PLG: variants seen among roughly 807,000 people sequenced by gnomAD.
PLG encodes the protein plasminogen, also known as plasmin.
In PLG, 41 loss-of-function variants were observed where a neutral mutation model predicts 104.4. The observed-to-expected ratio is 0.39, with a 90% confidence interval of 0.31 to 0.51. PLG has a LOEUF of 0.51. Among genes scored for constraint, PLG ranks in the 20% least tolerant of loss-of-function variants. The pLI, the probability that PLG is intolerant of heterozygous loss-of-function variation, is 0.76. For synonymous variants in PLG, 337 were observed against 357.1 expected, an observed-to-expected ratio of 0.94 and a Z score of 0.63; for missense variants, 891 against 1,003.6, an observed-to-expected ratio of 0.89 and a Z score of 1.52.
In PLG at chr6:160,712,972, T is replaced by A; in HGVS notation, c.408-14T>A. ...TAGAATATAGTCTAAGTGCTTCTTT[T>A]CCATCCTCCCCAGATTCTCACCTGC... On this transcript the variant is annotated splice_polypyrimidine_tract_variant and intron_variant, in intron 4 of 18. Coordinates refer to ENST00000308192, the MANE Select transcript of PLG (RefSeq NM_000301.5). 6.2e-7 allele frequency: 1 copy of A among 1,607,100 alleles called. No homozygotes were observed. The highest frequency in any genetic ancestry group is 8.5e-7 in the Non-Finnish European group (1 of 1,175,478).
At chr6:160,704,843 G>C (rs1777488061) in intron 1 of PLG, among the ~76,000 whole-genome samples, 1 of 152,186 alleles carries the variant, frequency 6.6e-6, no homozygotes, top group African/African-American at 2.4e-5. Context: ...CTTGTGCTCT[G>C]TGTACCCTCA....
chr6:160,752,003 C>G lies in PLG; in HGVS notation c.2126-112C>G. On this transcript the variant is annotated intron_variant, in intron 17 of 18. Transcript: ENST00000308192. The surrounding 1 kb of genome is among the most constrained non-coding windows in gnomAD (Gnocchi z 4.7). ...ACTCCAGCGGCATTGGGAGCTGCCTCGTGTTCTGCAGCCTCACAGACAGGA... is the reference window on the plus strand; with the variant it reads ...ACTCCAGCGGCATTGGGAGCTGCCTGGTGTTCTGCAGCCTCACAGACAGGA... The G allele has an allele frequency of 2.2e-6, 2 of 889,562 alleles. No homozygotes were observed. The highest frequency in any genetic ancestry group is 3.8e-6 in the Non-Finnish European group (2 of 532,976). The allele number at this position is 889,562 out of a possible 1,614,324, so 55.1% of individuals were successfully genotyped here. A position where few individuals can be genotyped will look rare whatever the true frequency, so the allele number is the denominator to read the frequency against.
intron 9 of PLG, among the ~76,000 whole-genome samples, chr6:160,722,012 G>T (rs1000857212): frequency 1.1e-4 from 16 of 152,272 alleles, no homozygotes; most frequent in African/African-American, 3.8e-4. Context: ...TGAGGAAGGA[G>T]CTAGAGAAAT....
chr6:160,731,660 A>C lies in PLG; in HGVS notation c.1439-85A>C. On this transcript the variant is annotated intron_variant, in intron 11 of 18. Coordinates refer to ENST00000308192, the MANE Select transcript of PLG (RefSeq NM_000301.5). This position sits in a 1 kb window ranked among gnomAD's most constrained non-coding sequence, Gnocchi z 5.1. ...ATGTGGCCCCTGATTCTGTCATCCT[A>C]GAGAAACCTGACATGACTGTATTGA... 5.2e-6 allele frequency: 7 copies of C among 1,338,844 alleles called. No homozygotes were observed. Among genetic ancestry groups the C allele is most frequent in the Non-Finnish European group, 7.5e-6 (7 of 930,536 alleles). 82.9% of individuals were successfully genotyped at this position (1,338,844 alleles called of 1,614,324 possible).
rs1306672627 is a variant in PLG at position 160,752,432 on chromosome 6, T to G, written c.2271+172T>G. Among the ~76,000 whole-genome samples the G allele has an allele frequency of 6.6e-6, 1 of 152,200 alleles. No homozygotes were observed. Among genetic ancestry groups the G allele is most frequent in the Non-Finnish European group, 1.5e-5 (1 of 68,026 alleles). On this transcript the variant is annotated intron_variant, in intron 18 of 18. Coordinates refer to ENST00000308192, the MANE Select transcript of PLG (RefSeq NM_000301.5). The surrounding 1 kb of genome is among the most constrained non-coding windows in gnomAD (Gnocchi z 4.7). ...TCCCTGAATGCGTATTCAGATCATC[T>G]AAGGGGATGTCTTGGGGCTTGAGTT...
rs949144776 is a variant in PLG at position 160,753,911 on chromosome 6, T to C, written c.*850T>C. On this transcript the variant is annotated 3_prime_UTR_variant, in exon 19 of 19. Transcript: ENST00000308192. This position sits in a 1 kb window ranked among gnomAD's most constrained non-coding sequence, Gnocchi z 5.4. ...AAGGACAAAGGCACACGTTTTACCATTTAAAATATTGTTACCAAACAAAAA... is the reference window on the plus strand; with the variant it reads ...AAGGACAAAGGCACACGTTTTACCACTTAAAATATTGTTACCAAACAAAAA... 2.6e-5 allele frequency among the ~76,000 whole-genome samples: 4 copies of C among 152,190 alleles called. No homozygotes were observed. Among genetic ancestry groups the C allele is most frequent in the African/African-American group, 9.7e-5 (4 of 41,438 alleles).
intron 17 of PLG, among the ~76,000 whole-genome samples, chr6:160,747,580 T>G (rs1334109700): frequency 6.6e-6 from 1 of 152,108 alleles, no homozygotes; most frequent in Non-Finnish European, 1.5e-5. Flanking sequence ...CAAGTGGTGT[T>G]TTTCACATCA....
intron 4 of PLG, chr6:160,711,567 A>G: frequency 1.2e-6 from 2 of 1,608,736 alleles, no homozygotes; most frequent in South Asian, 1.1e-5. Context: ...TCAAACCACA[A>G]TATGTGAATA....
At position 160,714,891 on chromosome 6, in the gene PLG, C is replaced by T. The variant is rs781540328; in HGVS notation, c.645C>T (p.His215=). The change falls in exon 6 of 19, where the codon CAC becomes CAT. Residue 215 remains histidine, a synonymous_variant. Transcript: ENST00000308192. ...ECQAWDSQSP[H]AHGYIPSKFP... ...AGGCCTGGGACTCTCAGAGCCCACA[C>T]GCTCATGGATACATTCCTTCCAAGT... 15 of 1,613,600 alleles carry T rather than the reference C, an allele frequency of 9.3e-6. No individual in the cohort carries two copies. The highest frequency in any genetic ancestry group is 1.6e-4 in the Middle Eastern group (1 of 6,066).
chr6:160,745,274 T>C (rs1241421546), intron 17 of PLG, among the ~76,000 whole-genome samples: 2 of 152,158 alleles, frequency 1.3e-5, no homozygotes, highest in Non-Finnish European at 2.9e-5. Flanking sequence ...CACTATTATT[T>C]TGTGGGCGTC....
rs371199625 is a variant in PLG at position 160,741,269 on chromosome 6, G to T, written c.2019-42G>T. On this transcript the variant is annotated intron_variant, in intron 16 of 18. Coordinates refer to ENST00000308192, the MANE Select transcript of PLG (RefSeq NM_000301.5). This position sits in a 1 kb window ranked among gnomAD's most constrained non-coding sequence, Gnocchi z 4.7. ...GACTGGTTGTGGGTACTGCAGCTGC[G>T]AGCAGAGCAGTCAAACATAACTGCT... The T allele has an allele frequency of 3.5e-5, 46 of 1,328,068 alleles. No homozygotes were observed. Among genetic ancestry groups the T allele is most frequent in the East Asian group, 2.5e-4 (11 of 43,488 alleles). 82.3% of individuals were successfully genotyped at this position (1,328,068 alleles called of 1,614,324 possible). A position where few individuals can be genotyped will look rare whatever the true frequency, so the allele number is the denominator to read the frequency against.
intron 17 of PLG, among the ~76,000 whole-genome samples, chr6:160,748,362 A>AAGAAAGAAAGAGAGAGAGAGAGAG (rs1562383270): frequency 3.8e-4 from 14 of 37,104 alleles, no homozygotes; most frequent in East Asian, 0.011. Flanking sequence ...GAAAGAAAGA[A>AAGAAAGAAAGAGAGAGAGAGAGAG]AGAAAGAAAG....
chr6:160,733,467 C>T (rs1407638163), intron 12 of PLG, among the ~76,000 whole-genome samples: 1 of 152,070 alleles, frequency 6.6e-6, no homozygotes, highest in African/African-American at 2.4e-5. Flanking sequence ...CTCATAGCTC[C>T]TTTTGAACAG....
Position 160,736,746 on chromosome 6 carries a change from A to G in PLG, c.1682-141A>G. On this transcript the variant is annotated intron_variant, in intron 13 of 18. Coordinates refer to ENST00000308192, the MANE Select transcript of PLG (RefSeq NM_000301.5). The surrounding 1 kb of genome is among the most constrained non-coding windows in gnomAD (Gnocchi z 5.2). ...ACTACCACTTTTGAAACTTAGAGAA[A>G]ATGTTCCAAAAGATGATGATTTTAC... The G allele has an allele frequency of 3.7e-6, 4 of 1,080,446 alleles. No homozygotes were observed. The highest frequency in any genetic ancestry group is 2.7e-6 in the Non-Finnish European group (2 of 727,910). The allele number at this position is 1,080,446 out of a possible 1,614,324, so 66.9% of individuals were successfully genotyped here.
rs774282874 is a variant in PLG, at chr6:160,741,442, T to C, written c.2125+25T>C. The C allele has an allele frequency of 2.9e-6, 4 of 1,394,708 alleles. No individual in the cohort carries two copies. Among genetic ancestry groups the C allele is most frequent in the Middle Eastern group, 1.8e-4 (1 of 5,660 alleles). The allele number at this position is 1,394,708 out of a possible 1,614,324, so 86.4% of individuals were successfully genotyped here. On this transcript the variant is annotated intron_variant, in intron 17 of 18. Transcript: ENST00000308192. This position sits in a 1 kb window ranked among gnomAD's most constrained non-coding sequence, Gnocchi z 4.7. Reference sequence around the variant, plus strand: ...GGTGAGATAAATTCCATTGCCCACATAACGAATTGGTTTTGACCTACAGTC... The same window carrying C: ...GGTGAGATAAATTCCATTGCCCACACAACGAATTGGTTTTGACCTACAGTC...
In PLG at chr6:160,753,901, C is replaced by G. The variant is rs4252199; in HGVS notation, c.*840C>G. On this transcript the variant is annotated 3_prime_UTR_variant, in exon 19 of 19. Coordinates refer to ENST00000308192, the MANE Select transcript of PLG (RefSeq NM_000301.5). The surrounding 1 kb of genome is among the most constrained non-coding windows in gnomAD (Gnocchi z 5.4). ...AAGGAAGAGAAAGGACAAAGGCACA[C>G]GTTTTACCATTTAAAATATTGTTAC... is the stretch of plus-strand genomic sequence containing the variant. Among the ~76,000 whole-genome samples the G allele has an allele frequency of 6.6e-6, 1 of 152,306 alleles. No individual in the cohort carries two copies. Among genetic ancestry groups the G allele is most frequent in the Non-Finnish European group, 1.5e-5 (1 of 68,016 alleles).
At chr6:160,721,490 G>A (rs924623928) in intron 9 of PLG, among the ~76,000 whole-genome samples, 2 of 152,188 alleles carry the variant, frequency 1.3e-5, no homozygotes, top group African/African-American at 4.8e-5. Context: ...CCAGTGATGT[G>A]CTGCTGCTAT....
Position 160,752,841 on chromosome 6 carries a change from C to A in PLG, c.2272-59C>A, listed in dbSNP as rs1305925065. 1.9e-6 allele frequency: 3 copies of A among 1,560,664 alleles called. No homozygotes were observed. Among genetic ancestry groups the A allele is most frequent in the Non-Finnish European group, 1.8e-6 (2 of 1,131,510 alleles). ...TATATGGATAGTAGAAGGATGGCAT[C>A]CCATAATAAAAGGCAGGCAGCCTAA... On this transcript the variant is annotated intron_variant, in intron 18 of 18. Coordinates refer to ENST00000308192, the MANE Select transcript of PLG (RefSeq NM_000301.5). This position sits in a 1 kb window ranked among gnomAD's most constrained non-coding sequence, Gnocchi z 4.7.
In PLG at chr6:160,732,691, G is replaced by A. The variant is rs1007393215; in HGVS notation, c.1587+798G>A. Among the ~76,000 whole-genome samples, 3 of 152,120 alleles carry A rather than the reference G, an allele frequency of 2.0e-5. No homozygotes were observed. The highest frequency in any genetic ancestry group is 4.8e-5 in the African/African-American group (2 of 41,418). ...TGGCTCACAGAACTCAGGGGAACACGTTACTTTTATTTACCCATTTGTTAT... is the reference window on the plus strand; with the variant it reads ...TGGCTCACAGAACTCAGGGGAACACATTACTTTTATTTACCCATTTGTTAT... On this transcript the variant is annotated intron_variant, in intron 12 of 18. Transcript: ENST00000308192. This position sits in a 1 kb window ranked among gnomAD's most constrained non-coding sequence, Gnocchi z 4.5.
Sources: allele counts gnomAD v4.1 joint callset (sites outside exome capture counted in the v4.1 genomes callset), GRCh38; gene constraint gnomAD v4.1.1; non-coding constraint Gnocchi (gnomAD v3.1); transcripts MANE v1.5; gene names NCBI Gene and HGNC (gene_info 2026-07-23, HGNC 2026-07-21).